The following MTURN variants were observed in gnomAD, a reference collection of about 807,000 sequenced individuals.
MTURN encodes the protein maturin, neural progenitor differentiation regulator homolog.
Under a neutral mutation model 14.9 loss-of-function variants are expected in MTURN, and 7 were observed. That is an observed-to-expected ratio of 0.47 (90% confidence interval 0.27 to 0.88). The LOEUF (loss-of-function observed/expected upper bound fraction) is 0.88, where lower values mean the gene tolerates loss of function less well. MTURN is among the 40% of genes least tolerant of loss of function. The probability of loss-of-function intolerance (pLI) is 0.14; values close to 1 mark genes in which losing one functional copy is unlikely to be tolerated. For synonymous variants in MTURN, 69 were observed against 72.5 expected, an observed-to-expected ratio of 0.95 and a Z score of 0.25; for missense variants, 151 against 174.1, an observed-to-expected ratio of 0.87 and a Z score of 0.75.
At chr7:30,137,611 C>G in intron 1 of MTURN, 3 of 471,182 alleles carry the variant, frequency 6.4e-6, no homozygotes, top group South Asian at 4.6e-5. Context: ...ATGGAACTTT[C>G]TCCAAGTTCT....
At chr7:30,142,999 C>T (rs1245316493) in intron 1 of MTURN, among the ~76,000 whole-genome samples, 1 of 152,216 alleles carries the variant, frequency 6.6e-6, no homozygotes, top group African/African-American at 2.4e-5. Flanking sequence ...GCACAGGACT[C>T]CGGGCCTTCA....
chr7:30,136,450 G>A (rs988644898), intron 1 of MTURN, among the ~76,000 whole-genome samples: 7 of 152,208 alleles, frequency 4.6e-5, no homozygotes, highest in African/African-American at 1.4e-4. Flanking sequence ...GGCGGAGGTG[G>A]GGTGGTGCGG....
intron 1 of MTURN, chr7:30,137,688 A>G (rs935333170): frequency 4.2e-6 from 2 of 471,072 alleles, no homozygotes; most frequent in Non-Finnish European, 8.8e-6. Flanking sequence ...AATCTGTCCC[A>G]GGCCAGGTTT....
intron 1 of MTURN, chr7:30,137,176 T>C: frequency 6.3e-6 from 1 of 157,590 alleles, no homozygotes; most frequent in Non-Finnish European, 1.4e-5. Context: ...TGTAAAATGT[T>C]AGGGTTTGGC....
At chr7:30,154,314 A>G (rs1797253417) in intron 2 of MTURN, among the ~76,000 whole-genome samples, 1 of 152,180 alleles carries the variant, frequency 6.6e-6, no homozygotes, top group Non-Finnish European at 1.5e-5. Context: ...TCCACCTGGC[A>G]ACATTCATTT....
chr7:30,155,664 C>T (rs145428861), intron 2 of MTURN, among the ~76,000 whole-genome samples: 1 of 152,294 alleles, frequency 6.6e-6, no homozygotes, highest in Non-Finnish European at 1.5e-5. Flanking sequence ...AAGGGGCGAG[C>T]GTGTGTCTGC....
At chr7:30,145,993 T>G (rs977989675) in intron 1 of MTURN, 184 bp from the exon 2 acceptor site, 2 of 1,548,940 alleles carry the variant, frequency 1.3e-6, no homozygotes, top group East Asian at 2.4e-5. Flanking sequence ...TTCTATAGAT[T>G]AGACATTTTT....
intron 1 of MTURN, among the ~76,000 whole-genome samples, chr7:30,136,520 G>A (rs1247103607): frequency 1.3e-5 from 2 of 152,170 alleles, no homozygotes; most frequent in African/African-American, 4.8e-5. Flanking sequence ...TGGTCCTGCC[G>A]CCGAGCGCCC....
intron 2 of MTURN, among the ~76,000 whole-genome samples, chr7:30,147,242 T>C (rs1797142885): frequency 6.6e-6 from 1 of 152,232 alleles, no homozygotes; most frequent in African/African-American, 2.4e-5. Context: ...GTGTGTGGGA[T>C]TATCTTTGTG....
Position 30,145,964 on chromosome 7 carries a change from G to A in MTURN, c.163-213G>A, listed in dbSNP as rs755968845. On this transcript the variant is annotated intron_variant, in intron 1 of 2. Transcript: ENST00000324453. ...ATGATGAACAGAGCAGGTGAGGTATGGACCAAAAGCTCGGGGGCTTCTATA... is the reference window on the plus strand; with the variant it reads ...ATGATGAACAGAGCAGGTGAGGTATAGACCAAAAGCTCGGGGGCTTCTATA... 2.9e-5 allele frequency: 45 copies of A among 1,551,430 alleles called. No individual in the cohort carries two copies. The African/African-American group carries it at 5.3e-4, about 18-fold the overall frequency.
chr7:30,142,949 A>T (rs1325674169), intron 1 of MTURN, among the ~76,000 whole-genome samples: 4 of 152,130 alleles, frequency 2.6e-5, no homozygotes, highest in African/African-American at 4.8e-5. Context: ...ACATGCTTAA[A>T]ATATTTTCCA....
At chr7:30,146,982 T>C (rs1386607148) in intron 2 of MTURN, among the ~76,000 whole-genome samples, 1 of 152,246 alleles carries the variant, frequency 6.6e-6, no homozygotes, top group Non-Finnish European at 1.5e-5. Flanking sequence ...GTGTTTCCCC[T>C]AAGTTCGATT....
At chr7:30,137,204 C>G (rs764811947) in intron 1 of MTURN, 19 of 161,894 alleles carry the variant, frequency 1.2e-4, no homozygotes, top group Non-Finnish European at 2.2e-4. Context: ...CCTTCCAGCT[C>G]TGGGCTTCCT....
At position 30,157,813 on chromosome 7, in the gene MTURN, T is replaced by C. The variant is rs1161477655; in HGVS notation, c.*265T>C. On this transcript the variant is annotated 3_prime_UTR_variant, in exon 3 of 3. Coordinates refer to ENST00000324453, the MANE Select transcript of MTURN (RefSeq NM_152793.3). ...TTTGCCATTTTGAATTTAGAGTCCA[T>C]TTTGTGGCTGACTATTCTCTTAAGT... 1 of 219,328 alleles carries C rather than the reference T, an allele frequency of 4.6e-6. No individual in the cohort carries two copies. Among genetic ancestry groups the C allele is most frequent in the Admixed American group, 5.9e-5 (1 of 16,816 alleles). The allele number at this position is 219,328 out of a possible 1,614,324, so 13.6% of individuals were successfully genotyped here.
chr7:30,135,721 G>A (rs953502850), intron 1 of MTURN, among the ~76,000 whole-genome samples: 3 of 152,204 alleles, frequency 2.0e-5, no homozygotes, highest in Non-Finnish European at 2.9e-5. Flanking sequence ...CAGGAGCCCA[G>A]GTCCGGAGCT....
intron 1 of MTURN, among the ~76,000 whole-genome samples, chr7:30,143,858 TTC>T (rs1264548061): frequency 1.3e-5 from 2 of 152,228 alleles, no homozygotes; most frequent in Non-Finnish European, 2.9e-5. Context: ...CAGTTTATGA[TTC>T]TGTTATTGTT....
At chr7:30,156,101 G>A (rs958414478) in intron 2 of MTURN, among the ~76,000 whole-genome samples, 7 of 152,168 alleles carry the variant, frequency 4.6e-5, no homozygotes, top group Non-Finnish European at 7.3e-5. Flanking sequence ...AGGCAGGTCC[G>A]ACAGCTAGGG....
chr7:30,150,667 C>A (rs895027024), intron 2 of MTURN, among the ~76,000 whole-genome samples: 3 of 152,200 alleles, frequency 2.0e-5, no homozygotes, highest in African/African-American at 7.2e-5. Flanking sequence ...CATTGAGGAA[C>A]AAAGCCAGGC....
chr7:30,152,406 C>A (rs948248518), intron 2 of MTURN, among the ~76,000 whole-genome samples: 9 of 152,286 alleles, frequency 5.9e-5, no homozygotes, highest in African/African-American at 2.2e-4. Flanking sequence ...AGTCCTACCA[C>A]CCCTGGCTCT....
Sources: allele counts gnomAD v4.1 joint callset (sites outside exome capture counted in the v4.1 genomes callset), GRCh38; gene constraint gnomAD v4.1.1; transcripts MANE v1.5; gene names NCBI Gene and HGNC (gene_info 2026-07-23, HGNC 2026-07-21).